Variants in RNF19B observed in about 807,000 individuals in gnomAD.
RNF19B encodes the protein E3 ubiquitin-protein ligase RNF19B.
A neutral mutation model predicts 65.5 loss-of-function variants in RNF19B; 23 were observed. That is an observed-to-expected ratio of 0.35 (90% CI 0.25 to 0.50). RNF19B has a LOEUF of 0.50. RNF19B is among the 20% of genes least tolerant of loss of function. The probability of loss-of-function intolerance (pLI) is 0.98; values close to 1 mark genes in which losing one functional copy is unlikely to be tolerated. For missense variants in RNF19B, 794 were observed against 980.0 expected (o/e 0.81, Z 2.53); for synonymous variants, 372 against 379.6 (o/e 0.98, Z 0.23).
At chr1:32,946,922 C>A (rs1395455316) in intron 3 of RNF19B, among the ~76,000 whole-genome samples, 1 of 152,220 alleles carries the variant, frequency 6.6e-6, no homozygotes, top group Non-Finnish European at 1.5e-5. Context: ...AGACACACTG[C>A]ACCCTGCACT....
intron 7 of RNF19B, among the ~76,000 whole-genome samples, chr1:32,941,535 G>A (rs1363016321): frequency 6.9e-6 from 1 of 145,224 alleles, no homozygotes; most frequent in Non-Finnish European, 1.5e-5. Context: ...GCAAGACTCC[G>A]TCTCAAAAAA....
downstream of RNF19B, among the ~76,000 whole-genome samples, chr1:32,934,162 G>GA (rs1381173951): frequency 6.6e-6 from 1 of 152,228 alleles, no homozygotes; most frequent in Admixed American, 6.5e-5. Context: ...TAGGTGCAGG[G>GA]AAATGTGTGA....
chr1:32,947,626 T>C (rs933883586), intron 3 of RNF19B, among the ~76,000 whole-genome samples: 2 of 147,344 alleles, frequency 1.4e-5, no homozygotes, highest in African/African-American at 5.1e-5. Context: ...GCCACTGCAC[T>C]CCAGCCTGGG....
chr1:32,960,117 T>C (rs1022932354), intron 1 of RNF19B, among the ~76,000 whole-genome samples: 4 of 152,072 alleles, frequency 2.6e-5, no homozygotes, highest in African/African-American at 9.7e-5. Context: ...ATGAATAAAA[T>C]AAAACCATAT....
chr1:32,963,685 T>C (rs1469165742), intron 1 of RNF19B, among the ~76,000 whole-genome samples: 1 of 143,868 alleles, frequency 7.0e-6, no homozygotes, highest in African/African-American at 2.6e-5. Flanking sequence ...GCCATTGCAC[T>C]CCAGCCTGGG....
intron 3 of RNF19B, among the ~76,000 whole-genome samples, chr1:32,947,441 C>G (rs920234410): frequency 6.6e-6 from 1 of 152,166 alleles, no homozygotes; most frequent in African/African-American, 2.4e-5. Context: ...AGGCGGACCA[C>G]CTGAGGTTCG....
chr1:32,951,192 T>C (rs989930000), intron 1 of RNF19B, among the ~76,000 whole-genome samples: 11 of 152,200 alleles, frequency 7.2e-5, no homozygotes, highest in Admixed American at 5.9e-4. Context: ...ACATATTTAA[T>C]ATAAAAAGAA....
chr1:32,946,741 G>A (rs1477961216), intron 3 of RNF19B, among the ~76,000 whole-genome samples, 177 bp from the exon 4 acceptor site: 2 of 152,178 alleles, frequency 1.3e-5, no homozygotes, highest in Admixed American at 1.3e-4. Context: ...AGAGCTCTGG[G>A]CTCTTTAACT....
intron 1 of RNF19B, among the ~76,000 whole-genome samples, chr1:32,956,929 T>G (rs1391856273): frequency 6.6e-6 from 1 of 152,138 alleles, no homozygotes; most frequent in Non-Finnish European, 1.5e-5. Flanking sequence ...CAATGAACTG[T>G]ACCCTTAACA....
At chr1:32,939,341 C>T (rs930393904) in intron 7 of RNF19B, among the ~76,000 whole-genome samples, 1 of 152,188 alleles carries the variant, frequency 6.6e-6, no homozygotes, top group Non-Finnish European at 1.5e-5. Context: ...GTTCCCACCA[C>T]CACACCCAGC....
the RNF19B span, among the ~76,000 whole-genome samples, chr1:32,929,697 T>C: frequency 6.6e-6 from 1 of 152,354 alleles, no homozygotes; most frequent in East Asian, 1.9e-4. Context: ...GCTTCAGCTC[T>C]GAGAATTGTC....
chr1:32,935,296 CCTGGCTAA>C (rs1312416915), downstream of RNF19B, among the ~76,000 whole-genome samples: 2 of 151,922 alleles, frequency 1.3e-5, no homozygotes, highest in African/African-American at 2.4e-5. Flanking sequence ...TGCCACCAGG[CCTGGCTAA>C]CTTCTGTATT....
intron 1 of RNF19B, among the ~76,000 whole-genome samples, chr1:32,963,001 A>G (rs1642807803): frequency 6.6e-6 from 1 of 152,190 alleles, no homozygotes; most frequent in South Asian, 2.1e-4. Context: ...GCCCTTTAAA[A>G]TTCAGCCTAC....
chr1:32,963,949 G>A lies in RNF19B; in HGVS notation c.635+102C>T, dbSNP rs1007043307. The A allele has an allele frequency of 5.2e-6, 7 of 1,349,848 alleles. No individual in the cohort carries two copies. In the African/African-American group the frequency reaches 9.3e-5, roughly 18 times the overall value. 83.6% of individuals were successfully genotyped at this position (1,349,848 alleles called of 1,614,324 possible). A position where few individuals can be genotyped will look rare whatever the true frequency, so the allele number is the denominator to read the frequency against. On this transcript the variant is annotated intron_variant, in intron 1 of 8. Transcript: ENST00000235150. ...ACCACCCCGCCGAAGCTGCCGCCTT[G>A]CGGGTTTCCCTGCTTGGGACACCCA... is the stretch of plus-strand genomic sequence containing the variant.
At chr1:32,935,414 C>T (rs2124096125), downstream of RNF19B, among the ~76,000 whole-genome samples, 1 of 152,310 alleles carries the variant, frequency 6.6e-6, no homozygotes, top group South Asian at 2.1e-4. Flanking sequence ...GCTGGGATTA[C>T]AGGCGTGAGC....
Position 32,949,730 on chromosome 1 carries a change from G to T in RNF19B, c.680C>A (p.Thr227Asn). Residue 227 changes from threonine (T) to asparagine (N), a missense_variant, in exon 2 of 9, where the codon ACT becomes AAT. This residue lies in a region of RNF19B where 374 missense variants were observed against 423.8 expected (regional missense o/e 0.88). Coordinates refer to ENST00000235150, the MANE Select transcript of RNF19B (RefSeq NM_001300826.2). The part of the protein sequence containing the change: ...AYGCASCPKL[T>N]CEREGCQTEF... ...AGTCTGGCAACCTTCCCTCTCACAA[G>T]TTAGCTTCGGGCAGCTGGCACAGCC... The T allele has an allele frequency of 6.2e-7, 1 of 1,613,856 alleles. No individual in the cohort carries two copies. Among genetic ancestry groups the T allele is most frequent in the Non-Finnish European group, 8.5e-7 (1 of 1,180,004 alleles).
intron 1 of RNF19B, among the ~76,000 whole-genome samples, chr1:32,959,148 C>T (rs1437242769): frequency 6.6e-6 from 1 of 152,138 alleles, no homozygotes; most frequent in Non-Finnish European, 1.5e-5. Context: ...ATGGTCCAGT[C>T]TAGTTGTCTG....
At chr1:32,955,441 A>C (rs1358567436) in intron 1 of RNF19B, among the ~76,000 whole-genome samples, 1 of 151,972 alleles carries the variant, frequency 6.6e-6, no homozygotes, top group Non-Finnish European at 1.5e-5. Flanking sequence ...TGGAAAAAAA[A>C]AACCTCGCCT....
chr1:32,938,810 A>C (rs1642167974), intron 7 of RNF19B, among the ~76,000 whole-genome samples: 1 of 152,144 alleles, frequency 6.6e-6, no homozygotes, highest in Admixed American at 6.6e-5. Context: ...AGTAGCCCTT[A>C]AGTCCAAGTC....
Sources: gnomAD v4.1 joint callset for allele counts (sites outside exome capture counted in the v4.1 genomes callset) on GRCh38, gnomAD v4.1.1 for gene constraint, gnomAD v4.1.1 regional missense constraint, MANE v1.5 for transcripts, NCBI Gene and HGNC (gene_info 2026-07-23, HGNC 2026-07-21) for gene names.